Variants in LRRC27 observed in about 807,000 individuals in gnomAD.
LRRC27 encodes leucine-rich repeat-containing protein 27.
In LRRC27, 57 loss-of-function variants were observed where a neutral mutation model predicts 55.0. The observed-to-expected ratio is 1.04, with a 90% CI of 0.84 to 1.29. The LOEUF is 1.29. LRRC27 is among the 50% of genes most tolerant of loss of function. The pLI is 0.00. For missense variants in LRRC27, 721 were observed against 651.5 expected (o/e 1.11, Z -1.16); for synonymous variants, 278 against 251.9 (o/e 1.10, Z -0.98).
chr10:132,351,474 G>A (rs1020281911), intron 6 of LRRC27, 133 bp from the exon 7 acceptor site: 43 of 990,480 alleles, frequency 4.3e-5, no homozygotes, highest in Non-Finnish European at 6.3e-5. Flanking sequence ...TGGGGTGACT[G>A]CAGCTTCTAG....
At chr10:132,351,149 G>A in intron 6 of LRRC27, 1 of 164,470 alleles carries the variant, frequency 6.1e-6, no homozygotes. Flanking sequence ...CCAGCGATGG[G>A]ATTCCGACCT....
chr10:132,355,641 G>T, intron 7 of LRRC27, 149 bp from the exon 8 acceptor site: 5 of 601,394 alleles, frequency 8.3e-6, no homozygotes, highest in Non-Finnish European at 1.5e-5. Flanking sequence ...AGAGGCTGTG[G>T]TTCAGACTCC....
At chr10:132,349,171 C>A in intron 6 of LRRC27, 1 of 766,194 alleles carries the variant, frequency 1.3e-6, no homozygotes, top group Non-Finnish European at 2.2e-6. Flanking sequence ...CTAGATCATG[C>A]ATTCTCAAGG....
At chr10:132,358,772 G>A (rs1283558361) in intron 8 of LRRC27, among the ~76,000 whole-genome samples, 1 of 71,760 alleles carries the variant, frequency 1.4e-5, no homozygotes, top group Admixed American at 1.6e-4. Context: ...GCAGTGTGGG[G>A]AGGAGCCGAG....
intron 3 of LRRC27, among the ~76,000 whole-genome samples, chr10:132,339,886 C>G (rs1391320716): frequency 6.6e-6 from 1 of 152,206 alleles, no homozygotes; most frequent in African/African-American, 2.4e-5. Context: ...TCAAAGCTGG[C>G]TGCCTATGTT....
Position 132,381,358 on chromosome 10 carries a change from G to T in LRRC27, c.*6116G>T, listed in dbSNP as rs1457929047. Among the ~76,000 whole-genome samples, 1 of 152,228 alleles carries T rather than the reference G, an allele frequency of 6.6e-6. No individual in the cohort carries two copies. Among genetic ancestry groups the T allele is most frequent in the Non-Finnish European group, 1.5e-5 (1 of 68,038 alleles). ...GGCCTTCGGCCACAGACTGAAGGCT[G>T]CACTGTCGGCTTCCCTCCTTTAGAG... is the stretch of plus-strand genomic sequence containing the variant. On this transcript the variant is annotated 3_prime_UTR_variant, in exon 11 of 11. Transcript: ENST00000368614.
chr10:132,353,347 C>T, intron 7 of LRRC27: 2 of 1,088,636 alleles, frequency 1.8e-6, no homozygotes, highest in Non-Finnish European at 1.1e-6. Context: ...TGCACCGCCC[C>T]TGTGGCTCAC....
At chr10:132,340,859 CCA>C (rs1393488090) in intron 3 of LRRC27, among the ~76,000 whole-genome samples, 2 of 146,694 alleles carry the variant, frequency 1.4e-5, no homozygotes, top group East Asian at 3.9e-4. Context: ...CCAGCCTGAG[CCA>C]CAGAGTGAGA....
intron 5 of LRRC27, among the ~76,000 whole-genome samples, chr10:132,345,050 G>A (rs550729274): frequency 6.6e-6 from 1 of 152,294 alleles, no homozygotes; most frequent in South Asian, 2.1e-4. Flanking sequence ...CAGGAAAATG[G>A]CCCTGTAGAC....
intron 10 of LRRC27, chr10:132,366,834 CCT>C (rs2069103725): frequency 7.9e-7 from 1 of 1,266,200 alleles, no homozygotes; most frequent in Non-Finnish European, 1.0e-6. Context: ...CCGCTGTTTC[CCT>C]CTCTCCTAGA....
chr10:132,333,494 AGGATGAGCTGCTGTCCCTGGAAGAGAAC>A lies in LRRC27; in HGVS notation c.-25_3del, dbSNP rs765494450. ...GTCTCCAGGTGACTCCAGACCAAGG[AGGATGAGCTGCTGTCCCTGGAAGAGAAC>A]GGATGGAGGGAAGCAGCTCCTACGA... On this transcript the variant is annotated 5_prime_UTR_variant, in exon 2 of 11. It removes an upstream start codon present in the reference 5' UTR. Coordinates refer to ENST00000368614, the MANE Select transcript of LRRC27 (RefSeq NM_030626.3). 1.9e-6 allele frequency: 3 copies of A among 1,542,074 alleles called. No individual in the cohort carries two copies. The highest frequency in any genetic ancestry group is 1.9e-5 in the Admixed American group (1 of 52,102).
At chr10:132,363,152 C>CG (rs1266038662) in intron 9 of LRRC27, among the ~76,000 whole-genome samples, 1 of 121,268 alleles carries the variant, frequency 8.2e-6, no homozygotes, top group Admixed American at 8.0e-5. Context: ...CACACCAGCT[C>CG]GGGGGGCCAG....
intron 10 of LRRC27, among the ~76,000 whole-genome samples, chr10:132,367,414 C>G (rs1175526843): frequency 1.3e-5 from 2 of 152,166 alleles, no homozygotes; most frequent in Non-Finnish European, 2.9e-5. Context: ...GCCAGCATTA[C>G]TCTAATACCA....
chr10:132,354,477 G>A lies in LRRC27; in HGVS notation c.1074-1313G>A, dbSNP rs565959405. Among the ~76,000 whole-genome samples the A allele has an allele frequency of 6.4e-4, 98 of 152,310 alleles. 1 individual carries two copies. The highest frequency in any genetic ancestry group is 2.3e-3 in the African/African-American group (95 of 41,586). On this transcript the variant is annotated intron_variant, in intron 7 of 10. Coordinates refer to ENST00000368614, the MANE Select transcript of LRRC27 (RefSeq NM_030626.3). ...ACACATGGTGCTAAGTGGGGACACG[G>A]GGGGCACCACCCTGGCTGGGGCTGG...
At chr10:132,344,431 T>TTA (rs2138697012) in intron 4 of LRRC27, 67 bp from the exon 5 acceptor site, 3 of 1,468,134 alleles carry the variant, frequency 2.0e-6, no homozygotes, top group Admixed American at 1.9e-5. Context: ...TTACTATTAT[T>TTA]TATTCCTCAT....
intron 10 of LRRC27, chr10:132,366,900 A>T (rs757611944): frequency 7.8e-7 from 1 of 1,285,694 alleles, no homozygotes; most frequent in African/African-American, 1.5e-5. Flanking sequence ...CACTTCATGG[A>T]GACCCCACCC....
chr10:132,331,448 C>G, upstream of LRRC27: 1 of 1,610,570 alleles, frequency 6.2e-7, no homozygotes, highest in Non-Finnish European at 8.5e-7. Context: ...CGTTTCCTCG[C>G]CCCCCTCACT....
intron 8 of LRRC27, among the ~76,000 whole-genome samples, chr10:132,359,333 T>G (rs554289344): frequency 2.0e-5 from 3 of 152,308 alleles, no homozygotes; most frequent in South Asian, 4.1e-4. Flanking sequence ...TGTATCTGTG[T>G]ATTTCAGTAT....
chr10:132,342,063 C>T (rs955198610), intron 3 of LRRC27, 150 bp from the exon 4 acceptor site: 1 of 590,584 alleles, frequency 1.7e-6, no homozygotes, highest in Non-Finnish European at 3.0e-6. Flanking sequence ...TGACAGCAGA[C>T]CATTTGTGTG....
Sources: allele counts gnomAD v4.1 joint callset (sites outside exome capture counted in the v4.1 genomes callset), GRCh38; gene constraint gnomAD v4.1.1; transcripts MANE v1.5; gene names NCBI Gene and HGNC (gene_info 2026-07-23, HGNC 2026-07-21).